Variants in UST observed in about 807,000 individuals in gnomAD.
UST encodes uronyl 2-sulfotransferase.
Under a neutral mutation model 45.6 loss-of-function variants are expected in UST, and 21 were observed. That is an observed-to-expected ratio of 0.46 (90% confidence interval 0.33 to 0.66). The LOEUF (loss-of-function observed/expected upper bound fraction) is 0.66, where lower values mean the gene tolerates loss of function less well. UST is among the 30% of genes least tolerant of loss of function. The pLI is 0.02. For synonymous variants in UST, 215 were observed against 200.6 expected (o/e 1.07, Z -0.61); for missense variants, 463 against 512.4 (o/e 0.90, Z 0.93).
At chr6:148,866,459 A>G (rs1469793868) in intron 1 of UST, among the ~76,000 whole-genome samples, 3 of 152,116 alleles carry the variant, frequency 2.0e-5, no homozygotes, top group Admixed American at 6.6e-5. Flanking sequence ...TGACCCCTTG[A>G]GGGTTGTTTC....
At chr6:148,922,601 G>A (rs917715367) in intron 2 of UST, among the ~76,000 whole-genome samples, 2 of 146,162 alleles carry the variant, frequency 1.4e-5, no homozygotes, top group African/African-American at 5.1e-5. Context: ...CCATTCTCCT[G>A]CCTCAGCCTC....
intron 1 of UST, among the ~76,000 whole-genome samples, chr6:148,780,595 A>G (rs1776625828): frequency 6.6e-6 from 1 of 152,222 alleles, no homozygotes; most frequent in East Asian, 1.9e-4. Flanking sequence ...AGCTCCATCC[A>G]CATTCCTGCA....
At chr6:148,851,029 G>T (rs1381146603) in intron 1 of UST, among the ~76,000 whole-genome samples, 1 of 152,090 alleles carries the variant, frequency 6.6e-6, no homozygotes, top group East Asian at 1.9e-4. Flanking sequence ...TGCCATTCCA[G>T]AACTCACCCT....
chr6:148,798,459 C>T (rs181737945), intron 1 of UST, among the ~76,000 whole-genome samples: 7 of 152,216 alleles, frequency 4.6e-5, no homozygotes, highest in East Asian at 3.9e-4. Flanking sequence ...ATACAGATCA[C>T]GCTCTCAGGA....
At chr6:148,797,295 A>C (rs1036845176) in intron 1 of UST, among the ~76,000 whole-genome samples, 1 of 152,188 alleles carries the variant, frequency 6.6e-6, no homozygotes, top group Non-Finnish European at 1.5e-5. Context: ...AACGAACAAA[A>C]ACCAAACAAA....
intron 4 of UST, among the ~76,000 whole-genome samples, 168 bp from the exon 5 acceptor site, chr6:148,964,242 T>G (rs546458338): frequency 6.6e-6 from 1 of 152,198 alleles, no homozygotes; most frequent in African/African-American, 2.4e-5. Context: ...TGCATGATAA[T>G]AAAATGCTTA....
chr6:148,856,361 C>T (rs189722504), intron 1 of UST, among the ~76,000 whole-genome samples: 7 of 152,262 alleles, frequency 4.6e-5, no homozygotes, highest in African/African-American at 1.2e-4. Flanking sequence ...ATAGGGGAAA[C>T]GTTCACAAAG....
chr6:148,985,956 A>G (rs1326199042), intron 5 of UST, among the ~76,000 whole-genome samples: 5 of 152,350 alleles, frequency 3.3e-5, no homozygotes, highest in Admixed American at 3.3e-4. Flanking sequence ...CATCAAACCC[A>G]TAGTAGATCT....
chr6:148,858,058 TGAAA>T (rs1258976745), intron 1 of UST, among the ~76,000 whole-genome samples: 1 of 152,194 alleles, frequency 6.6e-6, no homozygotes, highest in Non-Finnish European at 1.5e-5. Context: ...TCTAAGACTG[TGAAA>T]GCATTTTTTA....
intron 1 of UST, among the ~76,000 whole-genome samples, chr6:148,828,341 A>G (rs1461714700): frequency 2.0e-5 from 3 of 152,150 alleles, no homozygotes; most frequent in South Asian, 2.1e-4. Context: ...GTGTAGAAAG[A>G]GCACAGACAG....
At chr6:148,856,671 C>T (rs1465466960) in intron 1 of UST, among the ~76,000 whole-genome samples, 1 of 152,120 alleles carries the variant, frequency 6.6e-6, no homozygotes. Context: ...GGGTAAATCA[C>T]GTGTTTATGC....
intron 5 of UST, among the ~76,000 whole-genome samples, chr6:149,001,535 C>A (rs1781549819): frequency 6.6e-6 from 1 of 152,178 alleles, no homozygotes; most frequent in Non-Finnish European, 1.5e-5. Context: ...TAGCAGACTT[C>A]TTGTCAGCAA....
At chr6:149,047,422 AT>A (rs1391026382) in intron 7 of UST, among the ~76,000 whole-genome samples, 1 of 152,182 alleles carries the variant, frequency 6.6e-6, no homozygotes, top group Non-Finnish European at 1.5e-5. Context: ...TAGAAGTAGG[AT>A]TTTCCACACT....
intron 7 of UST, among the ~76,000 whole-genome samples, chr6:149,025,541 C>T (rs957350832): frequency 1.3e-5 from 2 of 152,264 alleles, no homozygotes; most frequent in East Asian, 3.9e-4. Context: ...TCAATCCTGA[C>T]CATGAGTTTG....
intron 3 of UST, among the ~76,000 whole-genome samples, chr6:148,950,521 A>T (rs1260542608): frequency 1.3e-5 from 2 of 152,014 alleles, no homozygotes; most frequent in African/African-American, 4.8e-5. Context: ...CTCTTACCTG[A>T]TTCTCTAGTC....
chr6:149,056,117 C>CTTTTTTTTTTTTTT (rs34191810), intron 7 of UST, among the ~76,000 whole-genome samples: 18 of 81,094 alleles, frequency 2.2e-4, no homozygotes, highest in Non-Finnish European at 3.5e-4. Context: ...CTTTTCTTTT[C>CTTTTTTTTTTTTTT]TTTTTTTTTT....
intron 2 of UST, among the ~76,000 whole-genome samples, chr6:148,907,438 G>A (rs1779385709): frequency 6.6e-6 from 1 of 152,106 alleles, no homozygotes. Context: ...CACACATAGG[G>A]GAGAAATGCA....
At chr6:149,072,528 C>A (rs924370863) in intron 7 of UST, among the ~76,000 whole-genome samples, 1 of 152,014 alleles carries the variant, frequency 6.6e-6, no homozygotes, top group Non-Finnish European at 1.5e-5. Flanking sequence ...TGGTGCATGC[C>A]TGTAATCTCA....
chr6:148,807,696 G>A (rs1777177056), intron 1 of UST, among the ~76,000 whole-genome samples: 1 of 152,126 alleles, frequency 6.6e-6, no homozygotes, highest in African/African-American at 2.4e-5. Flanking sequence ...GGGGGCTTGG[G>A]TAAGAAGCAA....
Sources: allele counts gnomAD v4.1 joint callset (sites outside exome capture counted in the v4.1 genomes callset), GRCh38; gene constraint gnomAD v4.1.1; transcripts MANE v1.5; gene names NCBI Gene and HGNC (gene_info 2026-07-23, HGNC 2026-07-21).